SERINC5: variants seen among roughly 807,000 people sequenced by gnomAD.
The protein encoded by SERINC5 is serine incorporator 5, also known as chromosome 5 open reading frame 12.
Under a neutral mutation model 63.1 loss-of-function variants are expected in SERINC5, and 41 were observed. The observed-to-expected ratio is 0.65, with a 90% confidence interval of 0.51 to 0.84. SERINC5 has a LOEUF of 0.84. Ranked by LOEUF, SERINC5 falls within the 40% of genes least tolerant of loss-of-function variation. SERINC5 has a pLI of 0.00. For synonymous variants in SERINC5, 222 were observed against 215.2 expected (o/e 1.03, Z -0.28); for missense variants, 523 against 573.0 (o/e 0.91, Z 0.89).
intron 7 of SERINC5, among the ~76,000 whole-genome samples, chr5:80,161,156 AAC>A (rs1746898711): frequency 6.6e-6 from 1 of 152,024 alleles, no homozygotes. Flanking sequence ...TGCTGCGATA[AAC>A]ACAGAGGTGC....
At chr5:80,214,375 A>C (rs1428806437) in intron 1 of SERINC5, among the ~76,000 whole-genome samples, 1 of 152,202 alleles carries the variant, frequency 6.6e-6, no homozygotes, top group Non-Finnish European at 1.5e-5. Context: ...TACATCTTAT[A>C]ATTAGAAAAA....
intron 2 of SERINC5, among the ~76,000 whole-genome samples, chr5:80,197,326 A>T (rs1262719550): frequency 8.4e-5 from 2 of 23,936 alleles, no homozygotes; most frequent in Non-Finnish European, 1.6e-4. Flanking sequence ...AGAGAGAGAG[A>T]GAGAGAGAGA....
chr5:80,123,879 GT>G (rs1744639882), intron 11 of SERINC5, among the ~76,000 whole-genome samples: 1 of 152,076 alleles, frequency 6.6e-6, no homozygotes, highest in African/African-American at 2.4e-5. Flanking sequence ...ATATATCCTT[GT>G]TTCTGTGCCT....
intron 12 of SERINC5, among the ~76,000 whole-genome samples, chr5:80,113,125 C>T (rs1561342888): frequency 6.6e-6 from 1 of 152,030 alleles, no homozygotes; most frequent in Non-Finnish European, 1.5e-5. Flanking sequence ...AATCTCTAAC[C>T]CTATAATCTC....
At chr5:80,164,232 TCTCTC>T (rs1159207856) in intron 7 of SERINC5, among the ~76,000 whole-genome samples, 1 of 152,100 alleles carries the variant, frequency 6.6e-6, no homozygotes, top group Non-Finnish European at 1.5e-5. Flanking sequence ...GATTTGGTCT[TCTCTC>T]TTCTTGGTTA....
chr5:80,226,423 A>G lies in SERINC5; in HGVS notation c.28-23370T>C, dbSNP rs912257972. ...TCCTGATCTCTGATTCCAGAGCCCA[A>G]CAGGATTCCAAAACCAGTTTTCCTT... On this transcript the variant is annotated intron_variant, in intron 1 of 11. Coordinates refer to ENST00000507668, the MANE Select transcript of SERINC5 (RefSeq NM_001174072.3). Among the ~76,000 whole-genome samples, 6 of 152,318 alleles carry G rather than the reference A, an allele frequency of 3.9e-5. No homozygotes were observed. In the South Asian group the frequency reaches 6.2e-4, roughly 16 times the overall value.
chr5:80,238,013 A>T (rs1000921247), intron 1 of SERINC5, among the ~76,000 whole-genome samples: 1 of 150,152 alleles, frequency 6.7e-6, no homozygotes, highest in Non-Finnish European at 1.5e-5. Context: ...CTGAGGTAGG[A>T]GACTCACTTG....
chr5:80,166,167 C>A (rs1172810656), intron 7 of SERINC5, among the ~76,000 whole-genome samples: 2 of 152,016 alleles, frequency 1.3e-5, no homozygotes, highest in Non-Finnish European at 2.9e-5. Context: ...CTATAGTCAC[C>A]CTGTTGTGCT....
In SERINC5 at chr5:80,198,178, G is replaced by A. The variant is rs138739581; in HGVS notation, c.195+4708C>T. 4.4e-3 allele frequency among the ~76,000 whole-genome samples: 676 copies of A among 152,222 alleles called. 3 individuals are homozygous for A. The highest frequency in any genetic ancestry group is 0.015 in the African/African-American group (629 of 41,528). ...TAATCCCCCAGGTATCAAATCTCAT[G>A]AGTGTGTACCTGCTTAAATTATACA... On this transcript the variant is annotated intron_variant, in intron 2 of 11. Transcript: ENST00000507668.
At chr5:80,231,637 AT>A (rs1460157313) in intron 1 of SERINC5, among the ~76,000 whole-genome samples, 1 of 151,982 alleles carries the variant, frequency 6.6e-6, no homozygotes, top group Non-Finnish European at 1.5e-5. Flanking sequence ...AAAAAAAAAA[AT>A]CAATAGAATC....
At chr5:80,229,042 T>C (rs1751301824) in intron 1 of SERINC5, among the ~76,000 whole-genome samples, 1 of 38,042 alleles carries the variant, frequency 2.6e-5, no homozygotes, top group Non-Finnish European at 4.5e-5. Context: ...TTTTTTTTTT[T>C]TTTTTTTTGG....
At chr5:80,241,245 C>T (rs1441165609) in intron 1 of SERINC5, among the ~76,000 whole-genome samples, 6 of 145,644 alleles carry the variant, frequency 4.1e-5, no homozygotes, top group Non-Finnish European at 7.5e-5. Flanking sequence ...CCAAGGTGGG[C>T]GGATCACGAG....
chr5:80,145,917 C>G (rs951179871), intron 11 of SERINC5, among the ~76,000 whole-genome samples, 173 bp downstream of exon 11: 1 of 152,092 alleles, frequency 6.6e-6, no homozygotes, highest in Admixed American at 6.5e-5. Flanking sequence ...GGCTGAGGCA[C>G]AAGAATCGCT....
In SERINC5 at chr5:80,198,511, C is replaced by T. The variant is rs761587512; in HGVS notation, c.195+4375G>A. The stretch of plus-strand genomic sequence containing the variant: ...CTAACCCACATACCAAAGACCCACG[C>T]GACTCTGGCAGAACGCTGGGTAGGA... On this transcript the variant is annotated intron_variant, in intron 2 of 11. Coordinates refer to ENST00000507668, the MANE Select transcript of SERINC5 (RefSeq NM_001174072.3). The T allele has an allele frequency of 1.4e-5, 14 of 985,136 alleles. No homozygotes were observed. The East Asian group carries it at 3.4e-4, about 24-fold the overall frequency. 61.0% of individuals were successfully genotyped at this position (985,136 alleles called of 1,614,324 possible).
intron 11 of SERINC5, among the ~76,000 whole-genome samples, chr5:80,113,875 C>T (rs1744229728): frequency 1.3e-5 from 2 of 151,912 alleles, no homozygotes; most frequent in Admixed American, 1.3e-4. Context: ...TGGCACCCAC[C>T]CATAACCTCT....
intron 1 of SERINC5, among the ~76,000 whole-genome samples, chr5:80,244,520 CTT>C (rs774638221): frequency 2.0e-5 from 3 of 151,018 alleles, no homozygotes; most frequent in Non-Finnish European, 4.4e-5. Context: ...TGGCCTTACT[CTT>C]TTTTTTATTT....
At chr5:80,207,155 C>T (rs981353454) in intron 1 of SERINC5, among the ~76,000 whole-genome samples, 3 of 152,062 alleles carry the variant, frequency 2.0e-5, no homozygotes, top group Non-Finnish European at 4.4e-5. Context: ...CCCGCCACCA[C>T]GCCTGGCTAA....
chr5:80,168,109 T>C (rs1747421175), intron 6 of SERINC5, among the ~76,000 whole-genome samples: 1 of 152,172 alleles, frequency 6.6e-6, no homozygotes, highest in African/African-American at 2.4e-5. Context: ...TCTTAACTGA[T>C]CAATTAAAGG....
At chr5:80,173,521 G>A (rs566835489) in intron 5 of SERINC5, among the ~76,000 whole-genome samples, 126 of 152,272 alleles carry the variant, frequency 8.3e-4, no homozygotes, top group African/African-American at 1.9e-3. Context: ...GCACGAACCC[G>A]GGAGGCGGAG....
Sources: allele counts gnomAD v4.1 joint callset (sites outside exome capture counted in the v4.1 genomes callset), GRCh38; gene constraint gnomAD v4.1.1; transcripts MANE v1.5; gene names NCBI Gene and HGNC (gene_info 2026-07-23, HGNC 2026-07-21).